Variants in PRCP observed in about 807,000 individuals in gnomAD.
PRCP encodes the protein lysosomal Pro-X carboxypeptidase.
A neutral mutation model predicts 54.2 loss-of-function variants in PRCP; 46 were observed. The ratio of observed to expected loss-of-function variants is 0.85; its 90% CI spans 0.67 to 1.09. The LOEUF (loss-of-function observed/expected upper bound fraction) is 1.09. Ranked by LOEUF, PRCP falls within the 50% of genes least tolerant of loss-of-function variation. PRCP has a pLI of 0.00. For synonymous variants in PRCP, 240 were observed against 212.2 expected, an observed-to-expected ratio of 1.13 and a Z score of -1.14; for missense variants, 613 against 596.8, an observed-to-expected ratio of 1.03 and a Z score of -0.28.
chr11:82,825,273 G>T, intron 8 of PRCP, 151 bp from the exon 9 acceptor site: 1 of 685,606 alleles, frequency 1.5e-6, no homozygotes, highest in Non-Finnish European at 2.4e-6. Context: ...TTATCATATG[G>T]ATAGATACTT....
At chr11:82,840,897 A>T (rs1414291278) in intron 6 of PRCP, 1 of 151,988 alleles carries the variant, frequency 6.6e-6, no homozygotes, top group East Asian at 1.9e-4. Flanking sequence ...TATACATCTT[A>T]TCCATTATGA....
chr11:82,861,588 C>T (rs541800808), intron 1 of PRCP, among the ~76,000 whole-genome samples: 16 of 152,018 alleles, frequency 1.1e-4, no homozygotes, highest in African/African-American at 1.7e-4. Context: ...TCACCTATGA[C>T]GTATTCCTGC....
intron 1 of PRCP, among the ~76,000 whole-genome samples, chr11:82,894,036 G>C (rs1043839735): frequency 1.3e-5 from 2 of 151,714 alleles, no homozygotes; most frequent in African/African-American, 4.8e-5. Flanking sequence ...TTAATTTATG[G>C]TCAATTTTTT....
intron 1 of PRCP, among the ~76,000 whole-genome samples, chr11:82,877,379 C>G (rs1394184800): frequency 6.6e-6 from 1 of 152,084 alleles, no homozygotes; most frequent in Non-Finnish European, 1.5e-5. Context: ...TCCCCAAGAC[C>G]ATGGGGAAAA....
At chr11:82,880,130 C>G (rs1169590819) in intron 1 of PRCP, among the ~76,000 whole-genome samples, 1 of 152,238 alleles carries the variant, frequency 6.6e-6, no homozygotes, top group Non-Finnish European at 1.5e-5. Context: ...GCCCTGCCCC[C>G]AGAGGTGGAG....
intron 8 of PRCP, chr11:82,829,624 A>G (rs747895062): frequency 1.3e-5 from 2 of 152,204 alleles, no homozygotes; most frequent in Non-Finnish European, 1.5e-5. Flanking sequence ...TAACATATTT[A>G]TAAGTTCTAT....
At chr11:82,836,920 G>A (rs1858542602) in intron 8 of PRCP, 1 of 375,194 alleles carries the variant, frequency 2.7e-6, no homozygotes, top group Non-Finnish European at 5.3e-6. Context: ...GTAATCAAAG[G>A]AAGATTCCCA....
intron 6 of PRCP, among the ~76,000 whole-genome samples, chr11:82,842,758 A>G (rs1858705890): frequency 6.6e-6 from 1 of 152,280 alleles, no homozygotes; most frequent in East Asian, 1.9e-4. Context: ...GAAAGCCTGA[A>G]AAAATGTCAC....
At chr11:82,879,956 G>A (rs1005286360) in intron 1 of PRCP, among the ~76,000 whole-genome samples, 13 of 152,218 alleles carry the variant, frequency 8.5e-5, no homozygotes, top group African/African-American at 3.1e-4. Context: ...ACTGGGAAGT[G>A]TCTCCCAGTT....
Position 82,853,184 on chromosome 11 carries a change from G to A in PRCP, c.404C>T (p.Ser135Leu). The change falls in exon 3 of 9, where the codon TCA becomes TTA. Residue 135 changes from serine to leucine, a missense_variant. Physicochemically the swap from Ser to Leu is moderately radical, Grantham distance 145. Coordinates refer to ENST00000313010, the MANE Select transcript of PRCP (RefSeq NM_005040.4). ...YGESLPFGDN[S>L]FKDSRHLNFL... Reference sequence around the variant, plus strand: ...AGTAAAAAGTATCTTTACCTTGAATGAGTTGTCACCAAAGGGGAGAGACTC... The same window carrying A: ...AGTAAAAAGTATCTTTACCTTGAATAAGTTGTCACCAAAGGGGAGAGACTC... 3 of 1,592,822 alleles carry A rather than the reference G, an allele frequency of 1.9e-6. No individual in the cohort carries two copies. The highest frequency in any genetic ancestry group is 2.6e-6 in the Non-Finnish European group (3 of 1,167,562).
intron 8 of PRCP, chr11:82,831,155 T>C (rs1370034064): frequency 1.3e-5 from 2 of 151,968 alleles, no homozygotes; most frequent in East Asian, 1.9e-4. Flanking sequence ...ACAATTAATT[T>C]GCCTGAGAAA....
At chr11:82,859,254 C>G (rs1859156111) in intron 2 of PRCP, among the ~76,000 whole-genome samples, 1 of 152,168 alleles carries the variant, frequency 6.6e-6, no homozygotes, top group Non-Finnish European at 1.5e-5. Context: ...GTCAGGGAAG[C>G]AAGCTAACAG....
intron 1 of PRCP, among the ~76,000 whole-genome samples, chr11:82,890,485 C>T (rs1325951838): frequency 6.6e-6 from 1 of 152,184 alleles, no homozygotes; most frequent in Non-Finnish European, 1.5e-5. Flanking sequence ...TATCCCACTA[C>T]CAATTCTATT....
At chr11:82,868,059 T>G (rs1859384182) in intron 1 of PRCP, among the ~76,000 whole-genome samples, 1 of 152,172 alleles carries the variant, frequency 6.6e-6, no homozygotes, top group Admixed American at 6.5e-5. Context: ...TCCCCCTTCT[T>G]TTTAAAGTCA....
intron 1 of PRCP, among the ~76,000 whole-genome samples, chr11:82,862,472 T>C (rs1859229443): frequency 6.6e-6 from 1 of 152,154 alleles, no homozygotes. Flanking sequence ...CATAGGCTGT[T>C]CCAGCGCTGC....
chr11:82,856,701 A>G (rs1276299367), intron 2 of PRCP, among the ~76,000 whole-genome samples: 3 of 152,212 alleles, frequency 2.0e-5, no homozygotes, highest in East Asian at 1.9e-4. Context: ...TCAAGAAAAA[A>G]AAACACGATG....
Position 82,900,429 on chromosome 11 carries a change from G to A in PRCP, c.-27C>T, listed in dbSNP as rs374136526. The A allele has an allele frequency of 8.7e-6, 14 of 1,608,820 alleles. No individual in the cohort carries two copies. Among genetic ancestry groups the A allele is most frequent in the African/African-American group, 4.0e-5 (3 of 74,924 alleles). ...GCTCAGGCTGGAGACTGCAGTGCGG[G>A]TGGGAGGGCGAAAAGGAGGCCAGCA... On this transcript the variant is annotated 5_prime_UTR_variant, in exon 1 of 9. Transcript: ENST00000313010.
In PRCP at chr11:82,863,612, T is replaced by C. The variant is rs548685646; in HGVS notation, c.169-3495A>G. On this transcript the variant is annotated intron_variant, in intron 1 of 8. Coordinates refer to ENST00000313010, the MANE Select transcript of PRCP (RefSeq NM_005040.4). ...TGTAAACTGAGATATTGCCGTAGCC[T>C]TTAAAAGCATCCCACAAAGAAAAAC... Among the ~76,000 whole-genome samples, 122 of 152,332 alleles carry C rather than the reference T, an allele frequency of 8.0e-4. No individual in the cohort carries two copies. The South Asian group carries it at 0.024, about 30-fold the overall frequency.
At chr11:82,841,336 A>G (rs967448274) in intron 6 of PRCP, among the ~76,000 whole-genome samples, 15 of 151,934 alleles carry the variant, frequency 9.9e-5, no homozygotes, top group African/African-American at 3.4e-4. Flanking sequence ...CCTCTCCCCA[A>G]ATATATTCTG....
Sources: gnomAD v4.1 joint callset for allele counts (sites outside exome capture counted in the v4.1 genomes callset) on GRCh38, gnomAD v4.1.1 for gene constraint, MANE v1.5 for transcripts, NCBI Gene and HGNC (gene_info 2026-07-23, HGNC 2026-07-21) for gene names.